The following ASB11 variants were observed in gnomAD, a reference collection of about 807,000 sequenced individuals.
The protein encoded by ASB11 is ankyrin repeat and SOCS box protein 11.
Under a neutral mutation model 20.1 loss-of-function variants are expected in ASB11, and 17 were observed. That is an observed-to-expected ratio of 0.85 (90% CI 0.58 to 1.27). The LOEUF (loss-of-function observed/expected upper bound fraction) is 1.27, where lower values mean the gene tolerates loss of function less well. Among genes scored for constraint, ASB11 ranks in the 50% most tolerant of loss-of-function variants. The pLI is 0.00. For synonymous variants in ASB11, 107 were observed against 105.6 expected (o/e 1.01, Z -0.08); for missense variants, 259 against 256.9 (o/e 1.01, Z -0.06).
chrX:15,301,510 CAGACAGAGAGAGAG>C (rs1446966657), intron 2 of ASB11, among the ~76,000 whole-genome samples: 6 of 109,730 alleles, frequency 5.5e-5, no homozygotes, highest in South Asian at 3.8e-4. Context: ...CATGCACACA[CAGACAGAGAGAGAG>C]AGACAGAGAG....
At chrX:15,300,434 T>C (rs1198420156) in intron 2 of ASB11, among the ~76,000 whole-genome samples, 3 of 112,965 alleles carry the variant, frequency 2.7e-5, no homozygotes, top group African/African-American at 9.6e-5. Context: ...ATCGATCATA[T>C]TATCTAAATG....
intron 6 of ASB11, among the ~76,000 whole-genome samples, chrX:15,284,196 G>T (rs766529169): frequency 1.9e-5 from 2 of 103,140 alleles, no homozygotes; most frequent in African/African-American, 7.3e-5. Context: ...AGCTTGCAGT[G>T]AGCCGAGATC....
intron 1 of ASB11, among the ~76,000 whole-genome samples, chrX:15,313,945 A>G: frequency 9.2e-6 from 1 of 108,782 alleles, no homozygotes; most frequent in Non-Finnish European, 1.9e-5. Flanking sequence ...CCAGCTACTC[A>G]GGAGGCTAAG....
intron 5 of ASB11, among the ~76,000 whole-genome samples, chrX:15,288,756 G>A (rs1022961158): frequency 4.4e-4 from 48 of 110,216 alleles, no homozygotes; most frequent in African/African-American, 1.5e-3. Context: ...GTAGTGGTGT[G>A]CGTCTGTAAT....
chrX:15,291,733 A>T (rs867237395), intron 4 of ASB11, among the ~76,000 whole-genome samples: 4 of 102,852 alleles, frequency 3.9e-5, no homozygotes, highest in East Asian at 3.1e-4. Context: ...ATTTAAAAAA[A>T]TTAAAAAAAA....
chrX:15,305,773 T>C (rs1427642673), intron 1 of ASB11, among the ~76,000 whole-genome samples: 3 of 111,702 alleles, frequency 2.7e-5, no homozygotes, highest in Non-Finnish European at 3.8e-5. Flanking sequence ...TTTTTTGACT[T>C]TTATCTTAAG....
At chrX:15,283,872 G>T (rs920339281) in intron 6 of ASB11, among the ~76,000 whole-genome samples, 4 of 111,695 alleles carry the variant, frequency 3.6e-5, no homozygotes, top group Non-Finnish European at 7.5e-5. Flanking sequence ...CAATGTTGAA[G>T]AATGAAGCTA....
Position 15,284,048 on chromosome X carries a change from G to A in ASB11, c.848-419C>T, listed in dbSNP as rs12834451. Reference sequence around the variant, plus strand: ...TGGGCGGATCACGAGGTCAGGAGATGGAGACCATCCTGGCTAACACGGTGA... The same window carrying A: ...TGGGCGGATCACGAGGTCAGGAGATAGAGACCATCCTGGCTAACACGGTGA... On this transcript the variant is annotated intron_variant, in intron 6 of 6. Coordinates refer to ENST00000480796, the MANE Select transcript of ASB11 (RefSeq NM_080873.3). Among the ~76,000 whole-genome samples, 478 of 107,506 alleles carry A rather than the reference G, an allele frequency of 4.4e-3. 2 individuals are homozygous for A. The highest frequency in any genetic ancestry group is 8.1e-3 in the Non-Finnish European group (424 of 52,332). 93.4% of individuals were successfully genotyped at this position (107,506 alleles called of 115,157 possible).
At position 15,281,707 on chromosome X, in the gene ASB11, T is replaced by TTTTTG. The variant is rs1218096694; in HGVS notation, c.*1797_*1798insCAAAA. ...TTCTTTCTTTCTTTCTTTTTTTTTTTTTTGTTTTGAGACGGAGTCTCGCTC... is the reference window on the plus strand; with the variant it reads ...TTCTTTCTTTCTTTCTTTTTTTTTTTTTTTGTTTGTTTTGAGACGGAGTCTCGCTC... On this transcript the variant is annotated 3_prime_UTR_variant, in exon 7 of 7. Transcript: ENST00000480796. 1 of 105,085 alleles carries TTTTTG rather than the reference T, an allele frequency of 9.5e-6. No homozygotes were observed. The highest frequency in any genetic ancestry group is 2.0e-5 in the Non-Finnish European group (1 of 50,928). 8.7% of individuals were successfully genotyped at this position (105,085 alleles called of 1,213,427 possible).
intron 3 of ASB11, among the ~76,000 whole-genome samples, chrX:15,294,868 G>A (rs898971272): frequency 2.2e-5 from 2 of 89,336 alleles, no homozygotes; most frequent in African/African-American, 8.1e-5. Context: ...CTTCTTATGC[G>A]ATTTCCTATA....
In ASB11 at chrX:15,282,980, A is replaced by G. The variant is rs1927227920; in HGVS notation, c.*525T>C. ...TGTGTGTGTGTGTATATATATACGT[A>G]TATATATATACGTATATGTATGTAT... On this transcript the variant is annotated 3_prime_UTR_variant, in exon 7 of 7. Transcript: ENST00000480796. 1 of 105,004 alleles carries G rather than the reference A, an allele frequency of 9.5e-6. No homozygotes were observed. The highest frequency in any genetic ancestry group is 3.4e-5 in the African/African-American group (1 of 28,987). 8.7% of individuals were successfully genotyped at this position (105,004 alleles called of 1,213,427 possible).
At chrX:15,287,336 C>CT (rs201059601) in intron 6 of ASB11, among the ~76,000 whole-genome samples, 1,380 of 112,445 alleles carry the variant, frequency 0.012, 18 homozygotes, top group African/African-American at 0.042. Flanking sequence ...TTCTGGTTTT[C>CT]TTTTTTTTGA....
intron 6 of ASB11, among the ~76,000 whole-genome samples, chrX:15,285,144 T>C (rs773764041): frequency 4.2e-4 from 43 of 102,213 alleles, no homozygotes; most frequent in East Asian, 3.9e-3. Context: ...ATCTTTCTTT[T>C]TTTTTTTTTT....
chrX:15,309,114 G>A (rs768530830), intron 1 of ASB11, among the ~76,000 whole-genome samples: 5 of 110,534 alleles, frequency 4.5e-5, no homozygotes, highest in South Asian at 3.9e-4. Context: ...ACGGGATTTC[G>A]CCATGTTGCC....
Position 15,309,995 on chromosome X carries a change from G to GAAGTCCTT in ASB11, c.181+5422_181+5429dup, listed in dbSNP as rs1253224551. Reference sequence around the variant, plus strand: ...AAAAAAAAAAAAAAAAAAAAAAGTAGAAGTCCTTTTTGTTTCCCAACTGGA... The same window carrying GAAGTCCTT: ...AAAAAAAAAAAAAAAAAAAAAAGTAGAAGTCCTTAAGTCCTTTTTGTTTCCCAACTGGA... On this transcript the variant is annotated intron_variant, in intron 1 of 6. Transcript: ENST00000480796. Among the ~76,000 whole-genome samples the GAAGTCCTT allele has an allele frequency of 4.7e-5, 3 of 63,548 alleles. No homozygotes were observed. The South Asian group carries it at 3.1e-3, about 66-fold the overall frequency. The allele number at this position is 63,548 out of a possible 115,157, so 55.2% of individuals were successfully genotyped here.
At chrX:15,315,315 C>G in intron 1 of ASB11, 110 bp downstream of exon 1, 1 of 659,258 alleles carries the variant, frequency 1.5e-6, no homozygotes, top group Non-Finnish European at 2.1e-6. Flanking sequence ...TTCAAACTAC[C>G]CACTTAAAAT....
At chrX:15,309,592 A>G (rs1921354533) in intron 1 of ASB11, among the ~76,000 whole-genome samples, 1 of 111,083 alleles carries the variant, frequency 9.0e-6, no homozygotes, top group African/African-American at 3.3e-5. Flanking sequence ...ATTGTCTTCC[A>G]TGAAACCAGT....
intron 3 of ASB11, among the ~76,000 whole-genome samples, chrX:15,296,280 CA>C (rs1454560578): frequency 9.4e-6 from 1 of 105,922 alleles, no homozygotes; most frequent in Non-Finnish European, 1.9e-5. Flanking sequence ...AAAAAAAAAA[CA>C]AAAAAAGAAA....
At chrX:15,289,704 T>C (rs1927482555) in intron 4 of ASB11, 66 bp from the exon 5 acceptor site, 3 of 1,126,365 alleles carry the variant, frequency 2.7e-6, no homozygotes, top group East Asian at 3.1e-5. Context: ...AATTATAGGA[T>C]TGCTTATCTG....
Sources: allele counts gnomAD v4.1 joint callset (sites outside exome capture counted in the v4.1 genomes callset), GRCh38; gene constraint gnomAD v4.1.1; transcripts MANE v1.5; gene names NCBI Gene and HGNC (gene_info 2026-07-23, HGNC 2026-07-21).